The following CELF4 variants were observed in gnomAD, a reference collection of about 807,000 sequenced individuals.
CELF4 encodes CUG-BP- and ETR-3-like factor 4.
CELF4 carries 18 observed loss-of-function variants against 59.9 expected under a neutral mutation model. The observed-to-expected ratio is 0.30, with a 90% CI of 0.21 to 0.45. CELF4 has a LOEUF of 0.45. Ranked by LOEUF, CELF4 falls within the 20% of genes least tolerant of loss-of-function variation. The probability of loss-of-function intolerance (pLI) is 1.00; values close to 1 mark genes in which losing one functional copy is unlikely to be tolerated. For synonymous variants in CELF4, 261 were observed against 267.1 expected, an observed-to-expected ratio of 0.98 and a Z score of 0.22; for missense variants, 456 against 689.0, an observed-to-expected ratio of 0.66 and a Z score of 3.79.
chr18:37,445,707 A>G lies in CELF4; in HGVS notation c.369+39818T>C, dbSNP rs532534729. On this transcript the variant is annotated intron_variant, in intron 2 of 12. Coordinates refer to ENST00000420428, the MANE Select transcript of CELF4 (RefSeq NM_020180.4). Reference sequence around the variant, plus strand: ...AGTTGGAAAGAAGGCAACTCTTTCCAAAAGAGAAAGGGAGGCATAAGTCCG... The same window carrying G: ...AGTTGGAAAGAAGGCAACTCTTTCCGAAAGAGAAAGGGAGGCATAAGTCCG... 2.0e-3 allele frequency among the ~76,000 whole-genome samples: 307 copies of G among 152,094 alleles called. 1 individual carries two copies. Among genetic ancestry groups the G allele is most frequent in the Admixed American group, 5.2e-3 (79 of 15,288 alleles).
At chr18:37,509,700 T>A (rs1251474743) in intron 1 of CELF4, among the ~76,000 whole-genome samples, 1 of 152,244 alleles carries the variant, frequency 6.6e-6, no homozygotes, top group Non-Finnish European at 1.5e-5. Flanking sequence ...TTGAAACATA[T>A]ACTTGTACAT....
At chr18:37,485,261 G>GGACCCGGGACGCGCCGCTCCCCC (rs1433452772) in intron 2 of CELF4, among the ~76,000 whole-genome samples, 2 of 151,836 alleles carry the variant, frequency 1.3e-5, no homozygotes, top group Non-Finnish European at 2.9e-5. Context: ...CCCGCTCCGG[G>GGACCCGGGACGCGCCGCTCCCCC]GACCCGGGAC....
chr18:37,323,891 C>T (rs967463034), intron 2 of CELF4, among the ~76,000 whole-genome samples: 4 of 152,176 alleles, frequency 2.6e-5, no homozygotes, highest in Non-Finnish European at 5.9e-5. Context: ...AACACAACGG[C>T]CTTTAGCTTT....
intron 2 of CELF4, among the ~76,000 whole-genome samples, chr18:37,388,844 C>T (rs2099127144): frequency 6.6e-6 from 1 of 152,144 alleles, no homozygotes; most frequent in Non-Finnish European, 1.5e-5. Context: ...TCACCCTGGA[C>T]CCTCTTGTCC....
intron 7 of CELF4, among the ~76,000 whole-genome samples, chr18:37,271,365 C>T (rs2091203354): frequency 6.6e-6 from 1 of 151,018 alleles, no homozygotes; most frequent in Non-Finnish European, 1.5e-5. Flanking sequence ...AACAATTCTC[C>T]TTCCTCAGCC....
intron 2 of CELF4, among the ~76,000 whole-genome samples, chr18:37,473,008 GCCT>G (rs1314548200): frequency 6.6e-6 from 1 of 152,074 alleles, no homozygotes. Flanking sequence ...CTGCGACTCA[GCCT>G]GCTTGAACAT....
At chr18:37,307,854 A>G (rs1323205789) in intron 3 of CELF4, among the ~76,000 whole-genome samples, 1 of 152,198 alleles carries the variant, frequency 6.6e-6, no homozygotes, top group African/African-American at 2.4e-5. Context: ...TGGGAAGGCC[A>G]GTAGGGACCC....
At chr18:37,437,555 C>G (rs1031605544) in intron 2 of CELF4, among the ~76,000 whole-genome samples, 3 of 152,236 alleles carry the variant, frequency 2.0e-5, no homozygotes, top group Non-Finnish European at 2.9e-5. Context: ...TGCTTCCCCA[C>G]TCCCACCCAT....
intron 1 of CELF4, among the ~76,000 whole-genome samples, chr18:37,531,993 C>T (rs1367777715): frequency 6.6e-6 from 1 of 152,220 alleles, no homozygotes; most frequent in Non-Finnish European, 1.5e-5. Context: ...GTGTCCCTGT[C>T]CATCGCCTAT....
At chr18:37,429,724 T>C (rs2099636249) in intron 2 of CELF4, among the ~76,000 whole-genome samples, 1 of 152,152 alleles carries the variant, frequency 6.6e-6, no homozygotes, top group Non-Finnish European at 1.5e-5. Context: ...AAAAATGAAT[T>C]GAGTGGAGAT....
chr18:37,449,727 C>A (rs1603641460), intron 2 of CELF4, among the ~76,000 whole-genome samples: 1 of 152,172 alleles, frequency 6.6e-6, no homozygotes, highest in African/African-American at 2.4e-5. Context: ...TGAAAAGAAA[C>A]TGGAAGGAAG....
chr18:37,270,771 G>C lies in CELF4; in HGVS notation c.1096C>G (p.Pro366Ala). ...AAGTGCTGACAGATGTGCTTACCTG[G>C]GTAGGGGTGGATGCCATTGGCGAAC... ...AVFANGIHPY[P>A]AQSPTAADPL... Residue 366 changes from proline to alanine, a missense_variant, in exon 8 of 13, where the codon CCA (proline) becomes GCA (alanine). Transcript: ENST00000420428. 6.2e-7 allele frequency: 1 copy of C among 1,613,980 alleles called. No homozygotes were observed. Among genetic ancestry groups the C allele is most frequent in the Non-Finnish European group, 8.5e-7 (1 of 1,179,988 alleles).
chr18:37,393,180 C>T (rs946601637), intron 2 of CELF4, among the ~76,000 whole-genome samples: 4 of 152,116 alleles, frequency 2.6e-5, no homozygotes, highest in Non-Finnish European at 5.9e-5. Flanking sequence ...GGCTTGGTTC[C>T]TCTCGGGGAT....
intron 3 of CELF4, among the ~76,000 whole-genome samples, chr18:37,298,076 G>C (rs775930937): frequency 5.3e-5 from 8 of 152,224 alleles, no homozygotes; most frequent in Non-Finnish European, 1.0e-4. Context: ...CTCCACGAAT[G>C]GGCTAAGGAT....
Position 37,356,585 on chromosome 18 carries a change from G to A in CELF4, c.370-34704C>T, listed in dbSNP as rs575226533. Among the ~76,000 whole-genome samples, 247 of 152,232 alleles carry A rather than the reference G, an allele frequency of 1.6e-3. 2 individuals carry two copies. The highest frequency in any genetic ancestry group is 5.8e-3 in the African/African-American group (240 of 41,532). On this transcript the variant is annotated intron_variant, in intron 2 of 12. Transcript: ENST00000420428. ...GTGCAGAGAGTAAAGAGGGAGAAGT[G>A]GATTCAGGTCCCTGGGCACTAGGAG... is the stretch of plus-strand genomic sequence containing the variant.
chr18:37,538,499 C>G (rs1261915136), intron 1 of CELF4, among the ~76,000 whole-genome samples: 1 of 152,218 alleles, frequency 6.6e-6, no homozygotes, highest in South Asian at 2.1e-4. Context: ...TCCCTTTTTG[C>G]TTTTCTGAAT....
chr18:37,308,943 C>A (rs751427351), intron 3 of CELF4, among the ~76,000 whole-genome samples: 1 of 152,188 alleles, frequency 6.6e-6, no homozygotes, highest in Non-Finnish European at 1.5e-5. Flanking sequence ...ACAGGCTCAT[C>A]CTGCTGCTGG....
chr18:37,448,134 T>C (rs1378413492), intron 2 of CELF4, among the ~76,000 whole-genome samples: 2 of 152,196 alleles, frequency 1.3e-5, no homozygotes, highest in Admixed American at 6.5e-5. Context: ...TCATTACAGG[T>C]AACTTTTGGA....
At chr18:37,483,716 C>T (rs2099875409) in intron 2 of CELF4, among the ~76,000 whole-genome samples, 1 of 152,176 alleles carries the variant, frequency 6.6e-6, no homozygotes, top group Admixed American at 6.5e-5. Flanking sequence ...GGCCTTTCTG[C>T]CTGGTAATAA....
Sources: gnomAD v4.1 joint callset for allele counts (sites outside exome capture counted in the v4.1 genomes callset) on GRCh38, gnomAD v4.1.1 for gene constraint, MANE v1.5 for transcripts, NCBI Gene and HGNC (gene_info 2026-07-23, HGNC 2026-07-21) for gene names.